The following ZFR variants were observed in gnomAD, a reference collection of about 807,000 sequenced individuals.
ZFR encodes the protein zinc finger RNA binding protein.
In ZFR, 19 loss-of-function variants were observed where a neutral mutation model predicts 130.7. That is an observed-to-expected ratio of 0.15 (90% confidence interval 0.10 to 0.21). The LOEUF is 0.21. Among genes scored for constraint, ZFR ranks in the 10% least tolerant of loss-of-function variants. The probability of loss-of-function intolerance (pLI) is 1.00; values close to 1 mark genes in which losing one functional copy is unlikely to be tolerated. For synonymous variants in ZFR, 466 were observed against 456.9 expected (o/e 1.02, Z -0.25); for missense variants, 872 against 1,321.5 (o/e 0.66, Z 5.27).
intron 17 of ZFR, among the ~76,000 whole-genome samples, chr5:32,366,705 T>C (rs1415655035): frequency 1.3e-5 from 2 of 151,972 alleles, no homozygotes; most frequent in African/African-American, 2.4e-5. Flanking sequence ...CAAAAATAAA[T>C]AGAATCAAAT....
chr5:32,358,697 ACT>A (rs1752366951), intron 19 of ZFR, among the ~76,000 whole-genome samples: 2 of 151,994 alleles, frequency 1.3e-5, no homozygotes, highest in South Asian at 4.2e-4. Flanking sequence ...ATTTTAATTA[ACT>A]TTTTTTTTAA....
At position 32,403,017 on chromosome 5, in the gene ZFR, C is replaced by G. The variant is rs1753495011; in HGVS notation, c.1516+89G>C. ...CCAGAGAGAAGGGAGGAGGCAGGTC[C>G]AAGAACACAGGGAGAAGGGTTAGTG... On this transcript the variant is annotated intron_variant, in intron 8 of 19. Coordinates refer to ENST00000265069, the MANE Select transcript of ZFR (RefSeq NM_016107.5). 5 of 1,367,160 alleles carry G rather than the reference C, an allele frequency of 3.7e-6. No homozygotes were observed. In the East Asian group the frequency reaches 9.2e-5, roughly 25 times the overall value. 84.7% of individuals were successfully genotyped at this position (1,367,160 alleles called of 1,614,324 possible). A position where few individuals can be genotyped will look rare whatever the true frequency, so the allele number is the denominator to read the frequency against.
chr5:32,406,737 CACTGAAG>C (rs1328606525), intron 6 of ZFR, 30 bp downstream of exon 6: 2 of 1,582,912 alleles, frequency 1.3e-6, no homozygotes, highest in East Asian at 2.2e-5. Flanking sequence ...ACTTAATAAC[CACTGAAG>C]ACTCAAGGTA....
intron 4 of ZFR, 30 bp from the exon 5 acceptor site, chr5:32,415,217 A>G (rs760823921): frequency 3.1e-6 from 5 of 1,594,014 alleles, no homozygotes; most frequent in Admixed American, 1.7e-5. Context: ...TCAGAAAATT[A>G]GAAGAGTAAG....
chr5:32,358,733 G>A (rs1273072134), intron 19 of ZFR, among the ~76,000 whole-genome samples: 1 of 151,690 alleles, frequency 6.6e-6, no homozygotes, highest in Non-Finnish European at 1.5e-5. Flanking sequence ...GGGGAGGGGG[G>A]AAGTTCAGAC....
intron 2 of ZFR, among the ~76,000 whole-genome samples, 177 bp downstream of exon 2, chr5:32,444,052 G>C (rs1261718430): frequency 7.6e-6 from 1 of 131,268 alleles, no homozygotes; most frequent in East Asian, 2.5e-4. Flanking sequence ...GGGCCGGGCC[G>C]GGCAAGGCGG....
At chr5:32,383,422 G>C (rs771114717) in intron 15 of ZFR, among the ~76,000 whole-genome samples, 7 of 152,004 alleles carry the variant, frequency 4.6e-5, no homozygotes, top group African/African-American at 1.4e-4. Flanking sequence ...CTGTAGCAAG[G>C]GTTAGAGCAT....
chr5:32,437,022 G>A (rs1754352774), intron 2 of ZFR, among the ~76,000 whole-genome samples: 1 of 152,162 alleles, frequency 6.6e-6, no homozygotes, highest in Non-Finnish European at 1.5e-5. Context: ...GGTAATAGGA[G>A]GAGCCAGATT....
At chr5:32,387,399 C>A in intron 14 of ZFR, 150 bp downstream of exon 14, 1 of 727,466 alleles carries the variant, frequency 1.4e-6, no homozygotes, top group South Asian at 2.2e-5. Flanking sequence ...ATAGTTTCAT[C>A]AGTTTGCACA....
chr5:32,410,894 C>CA (rs1054989438), intron 5 of ZFR, among the ~76,000 whole-genome samples: 29 of 152,166 alleles, frequency 1.9e-4, no homozygotes, highest in African/African-American at 7.0e-4. Flanking sequence ...CTTTAAAAAA[C>CA]AGATACTTTA....
At chr5:32,413,389 C>A (rs1411454088) in intron 5 of ZFR, among the ~76,000 whole-genome samples, 4 of 152,060 alleles carry the variant, frequency 2.6e-5, no homozygotes, top group Non-Finnish European at 4.4e-5. Context: ...CGTATTTACA[C>A]ATGTATATTC....
chr5:32,394,245 C>T (rs1471450662), intron 11 of ZFR: 6 of 160,918 alleles, frequency 3.7e-5, no homozygotes, highest in African/African-American at 9.7e-5. Flanking sequence ...AAATGTGGTA[C>T]ATAAGGATGT....
intron 5 of ZFR, among the ~76,000 whole-genome samples, chr5:32,414,014 A>C (rs1753768809): frequency 6.6e-6 from 1 of 151,972 alleles, no homozygotes; most frequent in African/African-American, 2.4e-5. Flanking sequence ...GTTAACTTAC[A>C]AATCTGCTCA....
At chr5:32,378,935 T>C (rs1247090348) in intron 17 of ZFR, among the ~76,000 whole-genome samples, 180 bp downstream of exon 17, 2 of 152,024 alleles carry the variant, frequency 1.3e-5, no homozygotes, top group East Asian at 1.9e-4. Flanking sequence ...GAAAATTCTT[T>C]AATTAGTCAC....
Position 32,380,155 on chromosome 5 carries a change from C to T in ZFR, c.2659G>A (p.Val887Met), listed in dbSNP as rs1752903659. 6.2e-7 allele frequency: 1 copy of T among 1,613,958 alleles called. No homozygotes were observed. Among genetic ancestry groups the T allele is most frequent in the East Asian group, 2.2e-5 (1 of 44,882 alleles). The stretch of plus-strand genomic sequence containing the variant: ...TCCAAGACGTCCGGTGGGTCTTTCA[C>T]CATACCCGAGGTTACATCTAAAATG... Reference protein sequence around the residue: ...MREGDVTSGMVKDPPDVLDRQ... With the variant: ...MREGDVTSGMMKDPPDVLDRQ... Residue 887 changes from valine (V) to methionine (M), a missense_variant, in exon 16 of 20, where the codon GTG (valine) becomes ATG (methionine). Val to Met is a conservative substitution (Grantham distance 21). Coordinates refer to ENST00000265069, the MANE Select transcript of ZFR (RefSeq NM_016107.5).
intron 15 of ZFR, chr5:32,383,725 A>G: frequency 2.2e-6 from 1 of 456,478 alleles, no homozygotes; most frequent in Non-Finnish European, 4.4e-6. Context: ...TTTAAGACAC[A>G]GAGCACTGGG....
rs754988160 is a variant in ZFR at position 32,421,710 on chromosome 5, G to GAAAACAA, written c.138-1614_138-1608dup. On this transcript the variant is annotated intron_variant, in intron 2 of 19. Coordinates refer to ENST00000265069, the MANE Select transcript of ZFR (RefSeq NM_016107.5). ...GCAGATTTCAGTCCAATATGAAAAAGAAAACAAAAAACAAAAAACAAAAAA... is the reference window on the plus strand; with the variant it reads ...GCAGATTTCAGTCCAATATGAAAAAGAAAACAAAAAACAAAAAACAAAAAACAAAAAA... Among the ~76,000 whole-genome samples, 166 of 151,610 alleles carry GAAAACAA rather than the reference G, an allele frequency of 1.1e-3. 1 individual carries two copies. Among genetic ancestry groups the GAAAACAA allele is most frequent in the Middle Eastern group, 3.4e-3 (1 of 294 alleles).
intron 17 of ZFR, among the ~76,000 whole-genome samples, chr5:32,377,162 A>T (rs79184076): frequency 2.1e-5 from 3 of 141,214 alleles, no homozygotes; most frequent in Non-Finnish European, 3.1e-5. Flanking sequence ...TCTGAAAAAA[A>T]AAAAAAAAAA....
intron 2 of ZFR, among the ~76,000 whole-genome samples, chr5:32,424,561 AGGTAAT>A (rs1161207052): frequency 6.6e-6 from 1 of 152,006 alleles, no homozygotes; most frequent in Non-Finnish European, 1.5e-5. Flanking sequence ...AAAAGAAAAA[AGGTAAT>A]GAATGAATTC....
Sources: gnomAD v4.1 joint callset for allele counts (sites outside exome capture counted in the v4.1 genomes callset) on GRCh38, gnomAD v4.1.1 for gene constraint, MANE v1.5 for transcripts, NCBI Gene and HGNC (gene_info 2026-07-23, HGNC 2026-07-21) for gene names.